The following ABLIM1 variants were observed in gnomAD, a reference collection of about 807,000 sequenced individuals.
ABLIM1 encodes the protein actin-binding LIM protein 1.
Under a neutral mutation model 107.0 loss-of-function variants are expected in ABLIM1, and 40 were observed. The ratio of observed to expected loss-of-function variants is 0.37; its 90% CI spans 0.29 to 0.49. The LOEUF is 0.49. Ranked by LOEUF, ABLIM1 falls within the 20% of genes least tolerant of loss-of-function variation. ABLIM1 has a pLI of 0.97. For synonymous variants in ABLIM1, 357 were observed against 357.3 expected, an observed-to-expected ratio of 1.00 and a Z score of 0.01; for missense variants, 857 against 1,008.5, an observed-to-expected ratio of 0.85 and a Z score of 2.04.
At chr10:114,800,682 G>A in the ABLIM1 span, among the ~76,000 whole-genome samples, 1 of 152,158 alleles carries the variant, frequency 6.6e-6, no homozygotes, top group Non-Finnish European at 1.5e-5. Context: ...GGAGGCCAAG[G>A]TGGGCTGATC....
intron 8 of ABLIM1, among the ~76,000 whole-genome samples, chr10:114,478,737 T>C (rs2056870334): frequency 6.6e-6 from 1 of 152,210 alleles, no homozygotes; most frequent in Admixed American, 6.5e-5. Context: ...TATAGCAGCG[T>C]GAAAATGGAC....
chr10:114,499,515 T>G (rs2060112387), intron 6 of ABLIM1, among the ~76,000 whole-genome samples: 1 of 152,224 alleles, frequency 6.6e-6, no homozygotes, highest in Non-Finnish European at 1.5e-5. Flanking sequence ...GCTGGTGGGT[T>G]GCTTTAGATC....
intron 1 of ABLIM1, among the ~76,000 whole-genome samples, chr10:114,666,685 TATATCAAATAGTTCCTG>T (rs1291078833): frequency 2.0e-5 from 3 of 152,200 alleles, no homozygotes; most frequent in African/African-American, 7.2e-5. Flanking sequence ...CCCTCATGTA[TATATCAAATAGTTCCTG>T]ATATCCTTGA....
chr10:114,593,790 G>A (rs2075146601), intron 2 of ABLIM1, among the ~76,000 whole-genome samples: 1 of 82,890 alleles, frequency 1.2e-5, no homozygotes, highest in Non-Finnish European at 2.7e-5. Context: ...GTCAAAATCA[G>A]TAAGCAGTGT....
intron 4 of ABLIM1, among the ~76,000 whole-genome samples, chr10:114,552,016 T>C (rs1185510915): frequency 2.0e-5 from 3 of 152,132 alleles, no homozygotes; most frequent in African/African-American, 7.2e-5. Context: ...GCCTCCTTCC[T>C]GCCAATCCCT....
intron 1 of ABLIM1, among the ~76,000 whole-genome samples, chr10:114,643,941 A>G (rs1286266746): frequency 6.6e-6 from 1 of 151,886 alleles, no homozygotes; most frequent in African/African-American, 2.4e-5. Context: ...AGATTTCTAC[A>G]GCATGTTTCT....
intron 6 of ABLIM1, among the ~76,000 whole-genome samples, chr10:114,506,485 T>C (rs1160594907): frequency 6.6e-6 from 1 of 152,208 alleles, no homozygotes; most frequent in Non-Finnish European, 1.5e-5. Context: ...ACCAGCAGTG[T>C]ATAAGCGTTC....
At chr10:114,664,770 C>T (rs1253798236) in intron 1 of ABLIM1, among the ~76,000 whole-genome samples, 2 of 151,024 alleles carry the variant, frequency 1.3e-5, no homozygotes, top group Non-Finnish European at 3.0e-5. Flanking sequence ...TCTCGAACTC[C>T]TGGCCTCAGG....
intron 6 of ABLIM1, among the ~76,000 whole-genome samples, chr10:114,506,848 T>C (rs776680253): frequency 2.0e-4 from 31 of 152,224 alleles, no homozygotes; most frequent in Non-Finnish European, 3.1e-4. Flanking sequence ...TTTAATTAAG[T>C]CCCACTTGTC....
At chr10:114,648,595 A>G (rs893847055) in intron 1 of ABLIM1, among the ~76,000 whole-genome samples, 1 of 152,236 alleles carries the variant, frequency 6.6e-6, no homozygotes, top group Non-Finnish European at 1.5e-5. Flanking sequence ...ATGCTCTGGA[A>G]TTAGATAGTG....
chr10:114,530,686 A>G (rs1031247254), intron 6 of ABLIM1, among the ~76,000 whole-genome samples: 3 of 152,162 alleles, frequency 2.0e-5, no homozygotes, highest in Admixed American at 1.3e-4. Context: ...GGCATCCGCC[A>G]CCATAGCCGG....
At chr10:114,742,662 C>T (rs2082310027) in intron 1 of ABLIM1, among the ~76,000 whole-genome samples, 1 of 152,164 alleles carries the variant, frequency 6.6e-6, no homozygotes, top group Non-Finnish European at 1.5e-5. Context: ...GGCACAGTGG[C>T]TCATGCTTGT....
At chr10:114,657,099 T>A (rs1016485268) in intron 1 of ABLIM1, among the ~76,000 whole-genome samples, 1 of 152,240 alleles carries the variant, frequency 6.6e-6, no homozygotes, top group South Asian at 2.1e-4. Flanking sequence ...GAAAGCTGAT[T>A]GCAACAAAAC....
At chr10:114,643,052 CCT>C (rs1158892311) in intron 1 of ABLIM1, among the ~76,000 whole-genome samples, 3 of 152,098 alleles carry the variant, frequency 2.0e-5, no homozygotes, top group African/African-American at 7.2e-5. Flanking sequence ...CACCGTGAAC[CCT>C]TCTTGGGAAA....
intron 6 of ABLIM1, chr10:114,526,997 G>A (rs959665652): frequency 2.5e-5 from 25 of 982,432 alleles, no homozygotes; most frequent in Admixed American, 6.2e-5. Context: ...AGGAGGGGGA[G>A]TAGATTTACT....
intron 1 of ABLIM1, among the ~76,000 whole-genome samples, chr10:114,683,474 CA>C (rs550043252): frequency 2.4e-3 from 361 of 152,248 alleles, no homozygotes; most frequent in African/African-American, 8.0e-3. Context: ...CAAGTGTATA[CA>C]TGTGAAGTGT....
chr10:114,787,021 C>T, the ABLIM1 span, among the ~76,000 whole-genome samples: 38 of 151,666 alleles, frequency 2.5e-4, no homozygotes, highest in African/African-American at 9.2e-4. Context: ...AGCGTCTCTG[C>T]CCAGCCGCCA....
chr10:114,661,034 T>A (rs140531583), upstream of ABLIM1, among the ~76,000 whole-genome samples: 1 of 151,344 alleles, frequency 6.6e-6, no homozygotes, highest in Admixed American at 6.5e-5. Flanking sequence ...AGAACACTCC[T>A]AAATTTTTTT....
chr10:114,558,721 A>G (rs1458032627), intron 4 of ABLIM1, among the ~76,000 whole-genome samples: 1 of 152,214 alleles, frequency 6.6e-6, no homozygotes, highest in Non-Finnish European at 1.5e-5. Flanking sequence ...TGCCTTGGAT[A>G]AGAATCTCTT....
Sources: gnomAD v4.1 joint callset for allele counts (sites outside exome capture counted in the v4.1 genomes callset) on GRCh38, gnomAD v4.1.1 for gene constraint, MANE v1.5 for transcripts, NCBI Gene and HGNC (gene_info 2026-07-23, HGNC 2026-07-21) for gene names.